The following OSBPL6 variants were observed in gnomAD, a reference collection of about 807,000 sequenced individuals.
OSBPL6 encodes the protein oxysterol-binding protein-related protein 6.
In OSBPL6, 49 loss-of-function variants were observed where a neutral mutation model predicts 125.8. That is an observed-to-expected ratio of 0.39 (90% CI 0.31 to 0.49). The LOEUF (loss-of-function observed/expected upper bound fraction) is 0.49. Among genes scored for constraint, OSBPL6 ranks in the 20% least tolerant of loss-of-function variants. The pLI, the probability that OSBPL6 is intolerant of heterozygous loss-of-function variation, is 0.88. For missense variants in OSBPL6, 986 were observed against 1,135.4 expected (o/e 0.87, Z 1.89); for synonymous variants, 394 against 391.8 (o/e 1.01, Z -0.07).
intron 3 of OSBPL6, among the ~76,000 whole-genome samples, chr2:178,308,617 C>T (rs985173034): frequency 3.9e-5 from 6 of 152,100 alleles, no homozygotes; most frequent in Non-Finnish European, 5.9e-5. Flanking sequence ...AATGCACTGC[C>T]GCTTGAGTGG....
chr2:178,261,505 C>T (rs1021870884), intron 1 of OSBPL6, among the ~76,000 whole-genome samples: 1 of 151,626 alleles, frequency 6.6e-6, no homozygotes, highest in Non-Finnish European at 1.5e-5. Flanking sequence ...GAGCTAAGGA[C>T]ATAATTTTCA....
chr2:178,307,588 GT>G (rs1267454350), intron 3 of OSBPL6, among the ~76,000 whole-genome samples: 2 of 145,420 alleles, frequency 1.4e-5, no homozygotes, highest in East Asian at 3.9e-4. Context: ...GAAAGTAAGA[GT>G]ACCAGGAATG....
chr2:178,322,209 C>CT lies in OSBPL6; in HGVS notation c.103-1965dup, dbSNP rs1432420963. On this transcript the variant is annotated intron_variant, in intron 3 of 24. Transcript: ENST00000190611. ...CTACATAGTTACTAAGGTCAAGTTT[C>CT]TTTCCAGGTTTTGTTTTTCTTACCA... Among the ~76,000 whole-genome samples the CT allele has an allele frequency of 5.3e-5, 8 of 152,248 alleles. No individual in the cohort carries two copies. The East Asian group carries it at 1.5e-3, about 29-fold the overall frequency.
At chr2:178,194,249 A>G (rs1036642726), upstream of OSBPL6, among the ~76,000 whole-genome samples, 2 of 152,092 alleles carry the variant, frequency 1.3e-5, no homozygotes, top group Admixed American at 6.5e-5. Flanking sequence ...GCCAGGGGAG[A>G]GCCCTGGCTG....
intron 11 of OSBPL6, among the ~76,000 whole-genome samples, chr2:178,345,574 A>G (rs536501554): frequency 6.6e-6 from 1 of 152,364 alleles, no homozygotes; most frequent in South Asian, 2.1e-4. Flanking sequence ...CATGTATTCA[A>G]ATGCAGATGA....
At chr2:178,359,045 G>A (rs778563280) in intron 12 of OSBPL6, among the ~76,000 whole-genome samples, 5 of 152,094 alleles carry the variant, frequency 3.3e-5, no homozygotes, top group Non-Finnish European at 7.4e-5. Flanking sequence ...GCATGTTAAT[G>A]TGTGCCTGTA....
chr2:178,282,840 A>T (rs1006565792), intron 1 of OSBPL6, among the ~76,000 whole-genome samples: 1 of 151,976 alleles, frequency 6.6e-6, no homozygotes, highest in Non-Finnish European at 1.5e-5. Flanking sequence ...TTTAGTAGAG[A>T]TGGGGTTTCA....
intron 1 of OSBPL6, among the ~76,000 whole-genome samples, chr2:178,197,503 G>A (rs974275091): frequency 5.3e-5 from 8 of 152,106 alleles, no homozygotes; most frequent in African/African-American, 1.4e-4. Flanking sequence ...AAGTTCCCTA[G>A]TAGATGCCTG....
At chr2:178,313,189 C>A (rs1048694358) in intron 3 of OSBPL6, among the ~76,000 whole-genome samples, 1 of 152,202 alleles carries the variant, frequency 6.6e-6, no homozygotes, top group Non-Finnish European at 1.5e-5. Flanking sequence ...AGCCACCACG[C>A]CTGGCCTATG....
chr2:178,232,505 G>A (rs334041), intron 1 of OSBPL6, among the ~76,000 whole-genome samples: 72,689 of 151,994 alleles, frequency 0.48, 21,618 homozygotes, highest in African/African-American at 0.85. Context: ...TCATATGTAA[G>A]ATGGGATAAT....
chr2:178,351,125 A>G (rs1055721727), intron 12 of OSBPL6, among the ~76,000 whole-genome samples: 1 of 152,232 alleles, frequency 6.6e-6, no homozygotes, highest in Non-Finnish European at 1.5e-5. Flanking sequence ...TATTAAAAAC[A>G]CACAGCTAAC....
chr2:178,370,263 T>C (rs1693251625), intron 13 of OSBPL6, among the ~76,000 whole-genome samples: 1 of 152,126 alleles, frequency 6.6e-6, no homozygotes, highest in African/African-American at 2.4e-5. Context: ...AGAGTCTGTC[T>C]CAAAACGAAC....
chr2:178,201,849 A>G (rs1187467572), intron 1 of OSBPL6, among the ~76,000 whole-genome samples: 1 of 152,240 alleles, frequency 6.6e-6, no homozygotes. Flanking sequence ...TGTGCCTGAC[A>G]GTGTTCCCAT....
chr2:178,257,987 A>G (rs1156619859), intron 1 of OSBPL6, among the ~76,000 whole-genome samples: 1 of 151,746 alleles, frequency 6.6e-6, no homozygotes, highest in East Asian at 1.9e-4. Context: ...AACAGGGTCT[A>G]CCTATGTTGC....
At chr2:178,271,321 C>G (rs2092370772) in intron 1 of OSBPL6, among the ~76,000 whole-genome samples, 1 of 152,038 alleles carries the variant, frequency 6.6e-6, no homozygotes, top group Admixed American at 6.6e-5. Context: ...AATGAGCAAA[C>G]AAGTCACTGT....
rs555552567 is a variant in OSBPL6, at chr2:178,241,351, G to A, written c.-350-43576G>A. On this transcript the variant is annotated intron_variant, in intron 1 of 24. Coordinates refer to ENST00000190611, the MANE Select transcript of OSBPL6 (RefSeq NM_032523.4). ...ATGGTCTTGAACTCCTGACCTCGTG[G>A]TCCTCCCGCCTCGGCCTCCCAAAGT... Among the ~76,000 whole-genome samples the A allele has an allele frequency of 2.4e-4, 36 of 149,246 alleles. 1 individual carries two copies. In the South Asian group the frequency reaches 7.8e-3, roughly 32 times the overall value.
chr2:178,359,484 A>C (rs996807599), intron 12 of OSBPL6, among the ~76,000 whole-genome samples: 7 of 151,894 alleles, frequency 4.6e-5, no homozygotes, highest in Non-Finnish European at 7.3e-5. Context: ...TACACCGGAA[A>C]ATAGTACAGA....
chr2:178,399,150 T>C lies in OSBPL6; in HGVS notation c.*3591T>C, dbSNP rs889254578. ...TATGGGAGCCATTATGTTCAGGATATATAAAATGTATCTAATTAAACAATT... is the reference window on the plus strand; with the variant it reads ...TATGGGAGCCATTATGTTCAGGATACATAAAATGTATCTAATTAAACAATT... On this transcript the variant is annotated 3_prime_UTR_variant, in exon 25 of 25. Transcript: ENST00000190611. 1.3e-5 allele frequency: 2 copies of C among 152,200 alleles called. No individual in the cohort carries two copies. The highest frequency in any genetic ancestry group is 4.8e-5 in the African/African-American group (2 of 41,444). The allele number at this position is 152,200 out of a possible 1,614,324, so 9.4% of individuals were successfully genotyped here.
chr2:178,351,788 TAAC>T (rs915357879), intron 12 of OSBPL6, among the ~76,000 whole-genome samples: 1 of 152,038 alleles, frequency 6.6e-6, no homozygotes, highest in African/African-American at 2.4e-5. Context: ...GGCTAAATGA[TAAC>T]AACTTATGAA....
Sources: allele counts gnomAD v4.1 joint callset (sites outside exome capture counted in the v4.1 genomes callset), GRCh38; gene constraint gnomAD v4.1.1; transcripts MANE v1.5; gene names NCBI Gene and HGNC (gene_info 2026-07-23, HGNC 2026-07-21).